The following SCFD2 variants were observed in gnomAD, a reference collection of about 807,000 sequenced individuals.
SCFD2 encodes sec1 family domain-containing protein 2.
A neutral mutation model predicts 58.9 loss-of-function variants in SCFD2; 54 were observed. The observed-to-expected ratio is 0.92, with a 90% CI of 0.74 to 1.15. SCFD2 has a LOEUF of 1.15. SCFD2 is among the 50% of genes most tolerant of loss of function. SCFD2 has a pLI of 0.00. For missense variants in SCFD2, 805 were observed against 836.6 expected (o/e 0.96, Z 0.47); for synonymous variants, 321 against 335.9 (o/e 0.96, Z 0.49).
chr4:53,302,197 A>T (rs1266367102), intron 3 of SCFD2, among the ~76,000 whole-genome samples: 4 of 152,220 alleles, frequency 2.6e-5, no homozygotes, highest in Non-Finnish European at 5.9e-5. Flanking sequence ...GTATATCTAG[A>T]AAACCCATCA....
At chr4:53,159,541 T>A (rs183757924) in intron 4 of SCFD2, among the ~76,000 whole-genome samples, 2 of 152,138 alleles carry the variant, frequency 1.3e-5, no homozygotes, top group Non-Finnish European at 2.9e-5. Flanking sequence ...AGATAAATTA[T>A]ATGAGAGTAG....
At chr4:53,334,596 T>G in intron 2 of SCFD2, among the ~76,000 whole-genome samples, 1 of 132,196 alleles carries the variant, frequency 7.6e-6, no homozygotes. Context: ...CTCTGGGGAC[T>G]GTGGTGGGGT....
At chr4:53,262,630 T>C (rs1296215177) in intron 4 of SCFD2, among the ~76,000 whole-genome samples, 1 of 152,256 alleles carries the variant, frequency 6.6e-6, no homozygotes, top group Admixed American at 6.5e-5. Context: ...GCTGTTACTC[T>C]GATAGGTTTT....
At chr4:53,094,941 A>G (rs2148869226) in intron 5 of SCFD2, among the ~76,000 whole-genome samples, 1 of 152,102 alleles carries the variant, frequency 6.6e-6, no homozygotes, top group Admixed American at 6.6e-5. Flanking sequence ...AATGGTCAAA[A>G]CTCAGTCCTC....
At chr4:53,188,318 C>T (rs1727794255) in intron 4 of SCFD2, among the ~76,000 whole-genome samples, 1 of 152,010 alleles carries the variant, frequency 6.6e-6, no homozygotes, top group Admixed American at 6.6e-5. Context: ...TTAAAGAAAC[C>T]TTTTGCCTGA....
intron 5 of SCFD2, among the ~76,000 whole-genome samples, chr4:52,942,015 G>A (rs1720305748): frequency 6.6e-6 from 1 of 152,134 alleles, no homozygotes. Flanking sequence ...GGTTTGGGAT[G>A]TTCAACCTGT....
At chr4:53,072,808 CA>C (rs1723859520) in intron 5 of SCFD2, among the ~76,000 whole-genome samples, 1 of 152,026 alleles carries the variant, frequency 6.6e-6, no homozygotes, top group Non-Finnish European at 1.5e-5. Context: ...CTCTTTCTTT[CA>C]CCTAGTAAAC....
At position 53,191,349 on chromosome 4, in the gene SCFD2, A is replaced by G. The variant is rs1448190261; in HGVS notation, c.1312-45767T>C. On this transcript the variant is annotated intron_variant, in intron 4 of 8. Transcript: ENST00000401642. The stretch of plus-strand genomic sequence containing the variant: ...AACAAACGAACATAACATTTGAGTG[A>G]TATTCATTAGCAAAAAAATCAAGTG... 2.6e-5 allele frequency among the ~76,000 whole-genome samples: 4 copies of G among 152,076 alleles called. No homozygotes were observed. The South Asian group carries it at 8.3e-4, about 31-fold the overall frequency.
intron 4 of SCFD2, among the ~76,000 whole-genome samples, chr4:53,201,669 C>T (rs532019843): frequency 2.2e-4 from 33 of 152,318 alleles, no homozygotes; most frequent in African/African-American, 7.5e-4. Flanking sequence ...TATTTCTCCA[C>T]ATCCTCTCCA....
chr4:53,118,261 T>C (rs1044868142), intron 5 of SCFD2, among the ~76,000 whole-genome samples: 2 of 152,204 alleles, frequency 1.3e-5, no homozygotes, highest in African/African-American at 4.8e-5. Context: ...GCCTGGCACA[T>C]AGTAGGTGCT....
chr4:53,209,636 GAC>G (rs1317323240), intron 4 of SCFD2, among the ~76,000 whole-genome samples: 1 of 152,054 alleles, frequency 6.6e-6, no homozygotes, highest in African/African-American at 2.4e-5. Context: ...ACTATTGCTA[GAC>G]ACTGTGTTAA....
chr4:52,961,644 G>T (rs1329461519), intron 5 of SCFD2, among the ~76,000 whole-genome samples: 2 of 152,166 alleles, frequency 1.3e-5, no homozygotes, highest in African/African-American at 2.4e-5. Context: ...AGGCATGAAT[G>T]CAAAGCAATG....
chr4:53,307,352 A>G (rs1732546837), intron 3 of SCFD2, among the ~76,000 whole-genome samples: 1 of 152,214 alleles, frequency 6.6e-6, no homozygotes, highest in Admixed American at 6.5e-5. Flanking sequence ...AAGGGTTTTA[A>G]GCGGGGGCAT....
chr4:52,907,566 TGCTTCAACAATG>T lies in SCFD2; in HGVS notation c.1721_1732del (p.Pro574_Lys577del), dbSNP rs1201349157. 6.2e-6 allele frequency: 10 copies of T among 1,614,124 alleles called. No homozygotes were observed. The highest frequency in any genetic ancestry group is 5.9e-6 in the Non-Finnish European group (7 of 1,179,982). On this transcript the variant is annotated inframe_deletion, in exon 7 of 9. Transcript: ENST00000401642. ...GGGATGAAATATTTCCTCCACAACTTGCTTCAACAATGGCTTATAAGATGCCTGGAAAGACAA... is the reference window on the plus strand; with the variant it reads ...GGGATGAAATATTTCCTCCACAACTTGCTTATAAGATGCCTGGAAAGACAA...
chr4:53,008,526 TAAC>T (rs1452576590), intron 5 of SCFD2, among the ~76,000 whole-genome samples: 1 of 152,120 alleles, frequency 6.6e-6, no homozygotes, highest in Non-Finnish European at 1.5e-5. Context: ...GTCCAATAAA[TAAC>T]AACAACAACA....
intron 4 of SCFD2, among the ~76,000 whole-genome samples, chr4:53,182,617 C>T (rs1019656078): frequency 2.0e-5 from 3 of 152,110 alleles, no homozygotes; most frequent in African/African-American, 4.8e-5. Context: ...TCTAAAACAT[C>T]GAAAGCAATG....
chr4:52,883,040 A>G (rs1016347407), intron 8 of SCFD2, among the ~76,000 whole-genome samples: 1 of 152,220 alleles, frequency 6.6e-6, no homozygotes, highest in African/African-American at 2.4e-5. Context: ...TAGACAGTCT[A>G]TTGGGTATAG....
chr4:53,247,890 A>AG, intron 4 of SCFD2, among the ~76,000 whole-genome samples: 1 of 151,476 alleles, frequency 6.6e-6, no homozygotes, highest in South Asian at 2.1e-4. Context: ...AAAAAAAAAA[A>AG]AAATAACAAG....
At chr4:53,036,082 T>C (rs907632290) in intron 5 of SCFD2, among the ~76,000 whole-genome samples, 1 of 152,126 alleles carries the variant, frequency 6.6e-6, no homozygotes, top group African/African-American at 2.4e-5. Flanking sequence ...TATTATACTT[T>C]AAGTTCTAGG....
Sources: allele counts gnomAD v4.1 joint callset (sites outside exome capture counted in the v4.1 genomes callset), GRCh38; gene constraint gnomAD v4.1.1; transcripts MANE v1.5; gene names NCBI Gene and HGNC (gene_info 2026-07-23, HGNC 2026-07-21).